CDS2: variants seen among roughly 807,000 people sequenced by gnomAD.
The protein encoded by CDS2 is phosphatidate cytidylyltransferase 2.
In CDS2, 47 loss-of-function variants were observed where a neutral mutation model predicts 59.0. That is an observed-to-expected ratio of 0.80 (90% CI 0.63 to 1.02). The LOEUF (loss-of-function observed/expected upper bound fraction) is 1.02, where lower values mean the gene tolerates loss of function less well. CDS2 is among the 50% of genes least tolerant of loss of function. The pLI, the probability that CDS2 is intolerant of heterozygous loss-of-function variation, is 0.00. For synonymous variants in CDS2, 207 were observed against 206.4 expected (o/e 1.00, Z -0.02); for missense variants, 356 against 558.9 (o/e 0.64, Z 3.66).
chr20:5,127,024 C>G lies in CDS2; in HGVS notation c.-69C>G, dbSNP rs1297039337. On this transcript the variant is annotated 5_prime_UTR_variant, in exon 1 of 13. Transcript: ENST00000460006. Reference sequence around the variant, plus strand: ...GCCGGCCGTGGGAGTCCGCGCGTGCCCGCGCCGAGCTGCCTGCTCCGGCGG... The same window carrying G: ...GCCGGCCGTGGGAGTCCGCGCGTGCGCGCGCCGAGCTGCCTGCTCCGGCGG... The G allele has an allele frequency of 7.0e-7, 1 of 1,419,782 alleles. No individual in the cohort carries two copies. The highest frequency in any genetic ancestry group is 9.3e-7 in the Non-Finnish European group (1 of 1,072,452). The allele number at this position is 1,419,782 out of a possible 1,614,324, so 87.9% of individuals were successfully genotyped here. A position where few individuals can be genotyped will look rare whatever the true frequency, so the allele number is the denominator to read the frequency against.
intron 1 of CDS2, among the ~76,000 whole-genome samples, chr20:5,148,471 A>T (rs1033375870): frequency 3.3e-5 from 5 of 152,180 alleles, no homozygotes; most frequent in African/African-American, 1.2e-4. Context: ...GTTTTGTTAC[A>T]TGTGGAAACT....
intron 1 of CDS2, among the ~76,000 whole-genome samples, chr20:5,148,444 A>G (rs1479724258): frequency 6.6e-6 from 1 of 152,212 alleles, no homozygotes; most frequent in Non-Finnish European, 1.5e-5. Context: ...AGGTTAGGAA[A>G]TAGGTCTAGG....
chr20:5,144,780 T>TA (rs1347683001), intron 1 of CDS2, among the ~76,000 whole-genome samples: 1 of 152,210 alleles, frequency 6.6e-6, no homozygotes. Flanking sequence ...ACAATCCGTG[T>TA]ATGTCTTCCC....
At chr20:5,141,367 C>T (rs1600473588) in intron 1 of CDS2, among the ~76,000 whole-genome samples, 1 of 152,264 alleles carries the variant, frequency 6.6e-6, no homozygotes, top group South Asian at 2.1e-4. Flanking sequence ...AATGAAGTCT[C>T]TATAAAAGGC....
intron 1 of CDS2, among the ~76,000 whole-genome samples, chr20:5,150,581 CA>C (rs1378925667): frequency 6.6e-6 from 1 of 152,186 alleles, no homozygotes; most frequent in Non-Finnish European, 1.5e-5. Flanking sequence ...GGGGAGGTGA[CA>C]GGGGCCACTG....
intron 1 of CDS2, among the ~76,000 whole-genome samples, chr20:5,170,196 G>C (rs1243890141): frequency 2.0e-5 from 3 of 152,016 alleles, no homozygotes; most frequent in Non-Finnish European, 4.4e-5. Context: ...TTCCTGGACT[G>C]GCCACTGCCT....
At chr20:5,127,311 G>C (rs2090561909) in intron 1 of CDS2, among the ~76,000 whole-genome samples, 162 bp downstream of exon 1, 1 of 152,084 alleles carries the variant, frequency 6.6e-6, no homozygotes, top group African/African-American at 2.4e-5. Context: ...CCCGGCCTTC[G>C]CGGCGCGCGC....
Position 5,195,412 on chromosome 20 carries a change from T to C in CDS2, c.*5178T>C, listed in dbSNP as rs1033121007. On this transcript the variant is annotated 3_prime_UTR_variant, in exon 13 of 13. Transcript: ENST00000460006. ...CTAACGAGGCAAGAGGACATGGGGG[T>C]GTGCAGAAGTTCTGTTCTTAGTGAG... 2.0e-4 allele frequency: 31 copies of C among 151,952 alleles called. No homozygotes were observed. Among genetic ancestry groups the C allele is most frequent in the African/African-American group, 7.3e-4 (30 of 41,346 alleles). The allele number at this position is 151,952 out of a possible 1,614,324, so 9.4% of individuals were successfully genotyped here. A position where few individuals can be genotyped will look rare whatever the true frequency, so the allele number is the denominator to read the frequency against.
intron 1 of CDS2, among the ~76,000 whole-genome samples, chr20:5,132,102 AT>A (rs1231877225): frequency 5.3e-4 from 77 of 146,128 alleles, no homozygotes; most frequent in Middle Eastern, 3.5e-3. Context: ...TTCAATTTTA[AT>A]TTTTTTTTTT....
intron 10 of CDS2, among the ~76,000 whole-genome samples, chr20:5,188,821 T>C (rs141920951): frequency 1.2e-4 from 19 of 152,264 alleles, no homozygotes; most frequent in African/African-American, 4.6e-4. Context: ...AGGGGCTTCA[T>C]CACTTCATAA....
intron 1 of CDS2, among the ~76,000 whole-genome samples, chr20:5,151,781 T>TTTTTTG (rs2090792729): frequency 8.2e-6 from 1 of 121,970 alleles, no homozygotes; most frequent in Non-Finnish European, 1.6e-5. Flanking sequence ...TTTTTTTTTT[T>TTTTTTG]GAGACGGAGT....
At chr20:5,182,899 C>G (rs1172225965) in intron 6 of CDS2, among the ~76,000 whole-genome samples, 162 bp from the exon 7 acceptor site, 1 of 152,230 alleles carries the variant, frequency 6.6e-6, no homozygotes, top group East Asian at 1.9e-4. Context: ...AAGTATTACT[C>G]TCAGAAGCCT....
chr20:5,132,246 T>TA (rs1464931106), intron 1 of CDS2, among the ~76,000 whole-genome samples: 1 of 152,070 alleles, frequency 6.6e-6, no homozygotes, highest in African/African-American at 2.4e-5. Flanking sequence ...TACAGTCACA[T>TA]ACCTCCACGC....
Position 5,194,305 on chromosome 20 carries a change from T to G in CDS2, c.*4071T>G, listed in dbSNP as rs566865845. 78 of 152,470 alleles carry G rather than the reference T, an allele frequency of 5.1e-4. No individual in the cohort carries two copies. Among genetic ancestry groups the G allele is most frequent in the African/African-American group, 1.9e-3 (77 of 41,578 alleles). 9.4% of individuals were successfully genotyped at this position (152,470 alleles called of 1,614,324 possible). Reference sequence around the variant, plus strand: ...TGGGGGCCTTGTGCCACAACCTGCATGGGGTGCTAGGGTTTAAACCAAGTG... The same window carrying G: ...TGGGGGCCTTGTGCCACAACCTGCAGGGGGTGCTAGGGTTTAAACCAAGTG... On this transcript the variant is annotated 3_prime_UTR_variant, in exon 13 of 13. Transcript: ENST00000460006.
In CDS2 at chr20:5,178,731, C is replaced by T. The variant is rs990859889; in HGVS notation, c.390-86C>T. 4.2e-6 allele frequency: 6 copies of T among 1,430,554 alleles called. No individual in the cohort carries two copies. In the Admixed American group the frequency reaches 1.0e-4, roughly 24 times the overall value. The allele number at this position is 1,430,554 out of a possible 1,614,324, so 88.6% of individuals were successfully genotyped here. ...TCAAGGGTGGGGGGTATTCTGCTGC[C>T]CTCTGTCCCTTCCTCTGGGATGTCT... On this transcript the variant is annotated intron_variant, in intron 4 of 12. Coordinates refer to ENST00000460006, the MANE Select transcript of CDS2 (RefSeq NM_003818.4).
intron 1 of CDS2, among the ~76,000 whole-genome samples, chr20:5,132,360 A>G (rs1430518667): frequency 6.6e-6 from 1 of 152,122 alleles, no homozygotes; most frequent in Non-Finnish European, 1.5e-5. Context: ...GGCCTCCTGA[A>G]GTGCTGGGAT....
In CDS2 at chr20:5,192,066, ATC is replaced by A. The variant is rs1403278785; in HGVS notation, c.*1835_*1836del. The A allele has an allele frequency of 2.6e-5, 4 of 152,192 alleles. No homozygotes were observed. The highest frequency in any genetic ancestry group is 6.5e-5 in the Admixed American group (1 of 15,288). 9.4% of individuals were successfully genotyped at this position (152,192 alleles called of 1,614,324 possible). The stretch of plus-strand genomic sequence containing the variant: ...ATGCTTATCCTTAAGGTGAGTAGGT[ATC>A]TCAGCAGCACACCCGAACAGTAAAG... On this transcript the variant is annotated 3_prime_UTR_variant, in exon 13 of 13. Coordinates refer to ENST00000460006, the MANE Select transcript of CDS2 (RefSeq NM_003818.4).
At chr20:5,186,868 C>T (rs773161630) in intron 10 of CDS2, 29 bp downstream of exon 10, 2 of 1,612,786 alleles carry the variant, frequency 1.2e-6, no homozygotes, top group East Asian at 4.5e-5. Context: ...GGGTGAGCGG[C>T]CTCCATGGAC....
In CDS2 at chr20:5,192,931, G is replaced by T. The variant is rs915626182; in HGVS notation, c.*2697G>T. On this transcript the variant is annotated 3_prime_UTR_variant, in exon 13 of 13. Coordinates refer to ENST00000460006, the MANE Select transcript of CDS2 (RefSeq NM_003818.4). ...CACTTTACCCACAGGACACCTGGAG[G>T]GTCCCCCAGCCCTGCTTGCTTTTGT... is the stretch of plus-strand genomic sequence containing the variant. 6.6e-6 allele frequency: 1 copy of T among 152,248 alleles called. No individual in the cohort carries two copies. The highest frequency in any genetic ancestry group is 1.5e-5 in the Non-Finnish European group (1 of 68,090). 9.4% of individuals were successfully genotyped at this position (152,248 alleles called of 1,614,324 possible).
Sources: allele counts gnomAD v4.1 joint callset (sites outside exome capture counted in the v4.1 genomes callset), GRCh38; gene constraint gnomAD v4.1.1; transcripts MANE v1.5; gene names NCBI Gene and HGNC (gene_info 2026-07-23, HGNC 2026-07-21).